The following CNTN4 variants were observed in gnomAD, a reference collection of about 807,000 sequenced individuals.
CNTN4 encodes contactin-4.
Under a neutral mutation model 122.5 loss-of-function variants are expected in CNTN4, and 77 were observed. That is an observed-to-expected ratio of 0.63 (90% confidence interval 0.52 to 0.76). The LOEUF is 0.76. Ranked by LOEUF, CNTN4 falls within the 30% of genes least tolerant of loss-of-function variation. The pLI is 0.00. For missense variants in CNTN4, 1,256 were observed against 1,259.1 expected (o/e 1.00, Z 0.04); for synonymous variants, 512 against 447.0 (o/e 1.15, Z -1.83).
At chr3:2,606,782 A>T (rs1225528853) in intron 4 of CNTN4, among the ~76,000 whole-genome samples, 1 of 152,202 alleles carries the variant, frequency 6.6e-6, no homozygotes, top group African/African-American at 2.4e-5. Flanking sequence ...CTTTAAAAGC[A>T]CATGGTCCAT....
At chr3:2,489,490 A>T (rs561852083) in intron 3 of CNTN4, among the ~76,000 whole-genome samples, 1 of 152,222 alleles carries the variant, frequency 6.6e-6, no homozygotes, top group Non-Finnish European at 1.5e-5. Flanking sequence ...CAGAAGCCTC[A>T]GCCAAAATGA....
intron 4 of CNTN4, among the ~76,000 whole-genome samples, chr3:2,589,092 A>G (rs2080339958): frequency 6.6e-6 from 1 of 152,200 alleles, no homozygotes; most frequent in South Asian, 2.1e-4. Flanking sequence ...CCATAATAGC[A>G]TGCAATGAGT....
chr3:2,473,049 C>A (rs746321088), intron 3 of CNTN4, among the ~76,000 whole-genome samples: 3 of 151,782 alleles, frequency 2.0e-5, no homozygotes, highest in Non-Finnish European at 4.4e-5. Flanking sequence ...GCCTGGCCAA[C>A]CTGGTGAAAT....
intron 2 of CNTN4, among the ~76,000 whole-genome samples, chr3:2,176,206 G>A (rs1296376752): frequency 6.6e-6 from 1 of 152,222 alleles, no homozygotes; most frequent in Non-Finnish European, 1.5e-5. Context: ...TCAACAGTAG[G>A]GAGATGTCTT....
chr3:2,959,092 C>T (rs991086278), intron 13 of CNTN4, among the ~76,000 whole-genome samples: 16 of 152,258 alleles, frequency 1.1e-4, no homozygotes, highest in Non-Finnish European at 1.8e-4. Flanking sequence ...CAGAGCCTTT[C>T]CCCAGACGGT....
intron 3 of CNTN4, among the ~76,000 whole-genome samples, chr3:2,504,213 C>G (rs895346537): frequency 6.6e-6 from 1 of 152,150 alleles, no homozygotes; most frequent in South Asian, 2.1e-4. Context: ...AGGGATGTCT[C>G]GTTTTCAGTT....
intron 2 of CNTN4, among the ~76,000 whole-genome samples, chr3:2,169,886 G>A (rs1433755406): frequency 6.6e-6 from 1 of 152,086 alleles, no homozygotes; most frequent in Non-Finnish European, 1.5e-5. Context: ...AATGGGAAAG[G>A]ACAAATATTA....
At chr3:2,704,884 T>C (rs762709997) in intron 4 of CNTN4, among the ~76,000 whole-genome samples, 4 of 152,112 alleles carry the variant, frequency 2.6e-5, no homozygotes, top group Non-Finnish European at 5.9e-5. Flanking sequence ...TAATATACAT[T>C]TTCCTTAACC....
chr3:3,005,924 C>T (rs59577358), intron 14 of CNTN4, among the ~76,000 whole-genome samples: 6 of 144,410 alleles, frequency 4.2e-5, no homozygotes, highest in East Asian at 2.0e-4. Context: ...CTCACTGTGT[C>T]GCCCAGGCTG....
intron 2 of CNTN4, among the ~76,000 whole-genome samples, chr3:2,301,315 ATCTT>A (rs2042510083): frequency 6.6e-6 from 1 of 152,236 alleles, no homozygotes. Context: ...TGAATAATCT[ATCTT>A]AACCATTTAT....
intron 18 of CNTN4, among the ~76,000 whole-genome samples, 155 bp from the exon 19 acceptor site, chr3:3,038,778 C>T (rs892669479): frequency 6.2e-5 from 8 of 129,486 alleles, no homozygotes; most frequent in South Asian, 3.2e-4. Context: ...GAGCGGTCGC[C>T]GTGGGCCCCT....
intron 2 of CNTN4, among the ~76,000 whole-genome samples, chr3:2,322,771 A>T (rs1019860292): frequency 2.0e-5 from 3 of 152,244 alleles, no homozygotes; most frequent in African/African-American, 7.2e-5. Context: ...GCATCTAATT[A>T]TCTGAAATAT....
intron 4 of CNTN4, among the ~76,000 whole-genome samples, chr3:2,609,263 C>T (rs556157004): frequency 1.1e-4 from 16 of 152,240 alleles, no homozygotes; most frequent in East Asian, 9.7e-4. Flanking sequence ...TGGATTAGCA[C>T]CTTAGAAAGG....
intron 3 of CNTN4, among the ~76,000 whole-genome samples, chr3:2,372,614 C>T (rs1158358037): frequency 2.0e-5 from 3 of 152,146 alleles, no homozygotes. Flanking sequence ...TCTTTTGGGG[C>T]TGGCTAGCTG....
At chr3:2,283,833 A>C (rs913348118) in intron 2 of CNTN4, among the ~76,000 whole-genome samples, 3 of 152,072 alleles carry the variant, frequency 2.0e-5, no homozygotes, top group African/African-American at 7.2e-5. Flanking sequence ...CAACTTCTGC[A>C]TTTCTCTTCA....
chr3:2,260,410 A>G (rs1162414232), intron 2 of CNTN4, among the ~76,000 whole-genome samples: 6 of 152,074 alleles, frequency 3.9e-5, no homozygotes, highest in Non-Finnish European at 8.8e-5. Context: ...TTAAATTAAG[A>G]TAATAAATGT....
At chr3:2,308,657 A>C (rs1336747397) in intron 2 of CNTN4, among the ~76,000 whole-genome samples, 1 of 151,934 alleles carries the variant, frequency 6.6e-6, no homozygotes, top group Non-Finnish European at 1.5e-5. Context: ...TTGGTTATTT[A>C]TGGATAAGTT....
At chr3:2,983,554 G>A (rs1007687783) in intron 13 of CNTN4, among the ~76,000 whole-genome samples, 4 of 152,084 alleles carry the variant, frequency 2.6e-5, no homozygotes, top group South Asian at 2.1e-4. Context: ...CACCTGTCCC[G>A]CCTGGTGTAT....
chr3:2,320,558 T>C (rs1216806042), intron 2 of CNTN4, among the ~76,000 whole-genome samples: 1 of 152,180 alleles, frequency 6.6e-6, no homozygotes, highest in African/African-American at 2.4e-5. Flanking sequence ...AATGTAACTT[T>C]ATTGGTATAG....
Sources: allele counts gnomAD v4.1 joint callset (sites outside exome capture counted in the v4.1 genomes callset), GRCh38; gene constraint gnomAD v4.1.1; transcripts MANE v1.5; gene names NCBI Gene and HGNC (gene_info 2026-07-23, HGNC 2026-07-21).